The following ARHGEF12 variants were observed in gnomAD, a reference collection of about 807,000 sequenced individuals.
ARHGEF12 encodes Rho guanine nucleotide exchange factor 12.
In ARHGEF12, 66 loss-of-function variants were observed where a neutral mutation model predicts 211.2. The observed-to-expected ratio is 0.31, with a 90% CI of 0.26 to 0.38. The LOEUF (loss-of-function observed/expected upper bound fraction) is 0.38. Among genes scored for constraint, ARHGEF12 ranks in the 10% least tolerant of loss-of-function variants. The pLI is 1.00. For synonymous variants in ARHGEF12, 592 were observed against 638.4 expected (o/e 0.93, Z 1.09); for missense variants, 1,429 against 1,869.5 (o/e 0.76, Z 4.34).
At chr11:120,407,979 T>TGCAGC in intron 3 of ARHGEF12, 156 bp downstream of exon 3, 1 of 563,466 alleles carries the variant, frequency 1.8e-6, no homozygotes, top group Non-Finnish European at 3.0e-6. Flanking sequence ...TTGCATTTAG[T>TGCAGC]AGGAATGCAA....
At chr11:120,372,630 AG>A (rs1362611789) in intron 1 of ARHGEF12, among the ~76,000 whole-genome samples, 1 of 152,206 alleles carries the variant, frequency 6.6e-6, no homozygotes, top group East Asian at 1.9e-4. Flanking sequence ...TTATATGGTA[AG>A]GCAGGTGCTC....
chr11:120,372,590 A>G (rs533032733), intron 1 of ARHGEF12, among the ~76,000 whole-genome samples: 5 of 152,238 alleles, frequency 3.3e-5, no homozygotes, highest in African/African-American at 1.2e-4. Flanking sequence ...CATTTGAAAG[A>G]TGTATTTATG....
chr11:120,473,816 A>G (rs753064536), intron 31 of ARHGEF12, among the ~76,000 whole-genome samples: 1 of 152,346 alleles, frequency 6.6e-6, no homozygotes, highest in Non-Finnish European at 1.5e-5. Context: ...TGGAACCATT[A>G]CAGGAACGAT....
At chr11:120,449,066 T>G (rs1233719294) in intron 20 of ARHGEF12, 43 bp from the exon 21 acceptor site, 2 of 1,542,396 alleles carry the variant, frequency 1.3e-6, no homozygotes, top group Non-Finnish European at 1.8e-6. Flanking sequence ...CAAAAGAAAT[T>G]TACTCTGTTA....
intron 1 of ARHGEF12, among the ~76,000 whole-genome samples, chr11:120,380,935 C>T (rs758610715): frequency 2.6e-5 from 4 of 152,164 alleles, no homozygotes; most frequent in Middle Eastern, 3.4e-3. Context: ...GAAGGTTTTC[C>T]GGTTACTGTT....
chr11:120,366,041 T>A (rs1440810060), intron 1 of ARHGEF12: 1 of 152,224 alleles, frequency 6.6e-6, no homozygotes, highest in African/African-American at 2.4e-5. Flanking sequence ...GAGAATTGCC[T>A]GAGTTCAGGA....
At chr11:120,469,740 T>G (rs1323515947) in intron 30 of ARHGEF12, among the ~76,000 whole-genome samples, 2 of 152,208 alleles carry the variant, frequency 1.3e-5, no homozygotes, top group Non-Finnish European at 2.9e-5. Context: ...TAGAAAGGCA[T>G]TTAACAGGAT....
At chr11:120,434,555 A>G (rs1945639970) in intron 11 of ARHGEF12, among the ~76,000 whole-genome samples, 1 of 152,164 alleles carries the variant, frequency 6.6e-6, no homozygotes, top group Admixed American at 6.5e-5. Flanking sequence ...TTTTAACAGT[A>G]CTTTGAGTCG....
intron 1 of ARHGEF12, among the ~76,000 whole-genome samples, chr11:120,352,127 G>C (rs1023241830): frequency 1.3e-5 from 2 of 152,084 alleles, no homozygotes; most frequent in Admixed American, 1.3e-4. Context: ...CTTATCCTTT[G>C]TACTCTTAAT....
intron 27 of ARHGEF12, chr11:120,463,525 C>CAAAAAAAAAAAAAAAAAAAAAAACAAA (rs11315620): frequency 1.2e-5 from 1 of 81,678 alleles, no homozygotes. Flanking sequence ...AACTCAGTCT[C>CAAAAAAAAAAAAAAAAAAAAAAACAAA]AAAAAAAAAA....
chr11:120,475,257 T>C (rs2135975796), intron 32 of ARHGEF12, 83 bp from the exon 33 acceptor site: 1 of 1,268,856 alleles, frequency 7.9e-7, no homozygotes, highest in East Asian at 2.4e-5. Context: ...AGAAATAGAA[T>C]TCCTCTGTTG....
intron 1 of ARHGEF12, among the ~76,000 whole-genome samples, chr11:120,360,209 G>A (rs536631337): frequency 2.6e-4 from 39 of 152,258 alleles, no homozygotes; most frequent in Non-Finnish European, 4.6e-4. Flanking sequence ...AGGGAAAGTG[G>A]TGAGAAAAGA....
At chr11:120,446,840 AT>A in intron 17 of ARHGEF12, 107 bp from the exon 18 acceptor site, 1 of 1,389,440 alleles carries the variant, frequency 7.2e-7, no homozygotes, top group Non-Finnish European at 9.7e-7. Flanking sequence ...GAAAAGTGAC[AT>A]TTTTCCTGTT....
chr11:120,336,770 G>T lies in ARHGEF12; in HGVS notation c.-474G>T. 1 of 271,830 alleles carries T rather than the reference G, an allele frequency of 3.7e-6. No homozygotes were observed. The highest frequency in any genetic ancestry group is 6.9e-6 in the Non-Finnish European group (1 of 144,700). The allele number at this position is 271,830 out of a possible 1,614,324, so 16.8% of individuals were successfully genotyped here. A position where few individuals can be genotyped will look rare whatever the true frequency, so the allele number is the denominator to read the frequency against. On this transcript the variant is annotated 5_prime_UTR_variant, in exon 1 of 41. Transcript: ENST00000397843. The stretch of plus-strand genomic sequence containing the variant: ...GGCCGGAGACGCGGCCAACGCTGCG[G>T]CCACGAGCAGCCGGCAGCCCCAGAT...
chr11:120,419,679 C>T (rs1230120201), intron 4 of ARHGEF12, among the ~76,000 whole-genome samples: 1 of 151,994 alleles, frequency 6.6e-6, no homozygotes, highest in Non-Finnish European at 1.5e-5. Context: ...AGCCATTGTA[C>T]ACACAGTCTA....
chr11:120,465,789 A>G (rs1446628178), intron 28 of ARHGEF12, among the ~76,000 whole-genome samples: 2 of 152,208 alleles, frequency 1.3e-5, no homozygotes, highest in Non-Finnish European at 1.5e-5. Flanking sequence ...AAAGCAATAC[A>G]TTATCTCTTA....
At chr11:120,361,414 C>T (rs1236503003) in intron 1 of ARHGEF12, among the ~76,000 whole-genome samples, 2 of 152,202 alleles carry the variant, frequency 1.3e-5, no homozygotes, top group African/African-American at 4.8e-5. Context: ...ACACTCAAAT[C>T]CCCATCTGTG....
At chr11:120,379,565 T>C (rs1297886036) in intron 1 of ARHGEF12, among the ~76,000 whole-genome samples, 2 of 152,062 alleles carry the variant, frequency 1.3e-5, no homozygotes, top group African/African-American at 4.8e-5. Context: ...TTACCTTCTA[T>C]TCCTAGCTTG....
intron 15 of ARHGEF12, among the ~76,000 whole-genome samples, chr11:120,444,231 A>T (rs1945974964): frequency 6.6e-6 from 1 of 152,146 alleles, no homozygotes. Flanking sequence ...TTACTTTCCT[A>T]AAAAAATGAC....
Sources: gnomAD v4.1 joint callset for allele counts (sites outside exome capture counted in the v4.1 genomes callset) on GRCh38, gnomAD v4.1.1 for gene constraint, MANE v1.5 for transcripts, NCBI Gene and HGNC (gene_info 2026-07-23, HGNC 2026-07-21) for gene names.